Variants in TRIM5 observed in about 807,000 individuals in gnomAD.
TRIM5 encodes the protein tripartite motif containing 5, also known as tripartite motif-containing protein 5.
TRIM5 carries 31 observed loss-of-function variants against 35.6 expected under a neutral mutation model. The observed-to-expected ratio is 0.87, with a 90% CI of 0.65 to 1.18. TRIM5 has a LOEUF of 1.18. Among genes scored for constraint, TRIM5 ranks in the 50% most tolerant of loss-of-function variants. The pLI is 0.00. For synonymous variants in TRIM5, 243 were observed against 215.6 expected, an observed-to-expected ratio of 1.13 and a Z score of -1.11; for missense variants, 609 against 591.6, an observed-to-expected ratio of 1.03 and a Z score of -0.31.
At chr11:5,656,257 TGACA>T in the TRIM5 span, among the ~76,000 whole-genome samples, 1 of 151,772 alleles carries the variant, frequency 6.6e-6, no homozygotes, top group African/African-American at 2.4e-5. Flanking sequence ...TCTATCTACC[TGACA>T]AAGGGCTAAA....
chr11:5,665,714 C>T (rs1851080371), intron 6 of TRIM5, 32 bp from the exon 7 acceptor site: 1 of 1,485,250 alleles, frequency 6.7e-7, no homozygotes, highest in East Asian at 2.4e-5. Flanking sequence ...ATATTGAATA[C>T]AAACAAAGGA....
chr11:5,620,167 C>CTTTTTTTTTTTTTTTTTT, the TRIM5 span: 47 of 72,784 alleles, frequency 6.5e-4, 3 homozygotes, highest in African/African-American at 1.3e-3. Context: ...TTTCTTTCTT[C>CTTTTTTTTTTTTTTTTTT]TTTTTTTTTT....
the TRIM5 span, chr11:5,611,243 C>T: frequency 2.5e-6 from 4 of 1,614,064 alleles, no homozygotes; most frequent in Non-Finnish European, 3.4e-6. Context: ...GCTTCCCCAT[C>T]TACACTTTCT....
At chr11:5,682,329 G>A (rs928018342) in intron 1 of TRIM5, among the ~76,000 whole-genome samples, 1 of 152,010 alleles carries the variant, frequency 6.6e-6, no homozygotes, top group Non-Finnish European at 1.5e-5. Flanking sequence ...CCTGCTCTTC[G>A]TATCTCACCT....
the TRIM5 span, among the ~76,000 whole-genome samples, chr11:5,650,274 T>C: frequency 6.6e-5 from 10 of 152,234 alleles, no homozygotes; most frequent in African/African-American, 2.4e-4. Context: ...ATTCAAACCA[T>C]TGGCCATTGC....
At chr11:5,659,678 T>C (rs546737343), downstream of TRIM5, among the ~76,000 whole-genome samples, 2 of 151,980 alleles carry the variant, frequency 1.3e-5, no homozygotes, top group Non-Finnish European at 2.9e-5. Context: ...CCATAGAACA[T>C]ACTGAAACAT....
At chr11:5,640,677 T>A in the TRIM5 span, among the ~76,000 whole-genome samples, 1 of 152,190 alleles carries the variant, frequency 6.6e-6, no homozygotes, top group Non-Finnish European at 1.5e-5. Context: ...AATTAGGAAG[T>A]GTTCCCTGCT....
rs1852161104 is a variant in TRIM5 at position 5,678,390 on chromosome 11, C to T, written c.558G>A (p.Glu186=). The T allele has an allele frequency of 3.8e-6, 6 of 1,597,592 alleles. No individual in the cohort carries two copies. In the East Asian group the frequency reaches 1.3e-4, roughly 36 times the overall value. The change falls in exon 4 of 8, where the codon GAG becomes GAA. Residue 186 remains glutamate (E), a synonymous_variant. Transcript: ENST00000380034. ...CCCAGTCCAGGATGTCTCTCAGTTG[C>T]TCAAAATCTGCCAAGACGTTGGTTT... ...YDKTNVLADF[E]QLRDILDWEE...
the TRIM5 span, among the ~76,000 whole-genome samples, chr11:5,602,276 TA>T: frequency 0.39 from 59,229 of 151,556 alleles, 13,414 homozygotes; most frequent in Non-Finnish European, 0.51. Context: ...TCATCTCTAC[TA>T]AAAAATACAA....
downstream of TRIM5, among the ~76,000 whole-genome samples, chr11:5,662,164 T>C (rs947988167): frequency 6.6e-6 from 1 of 152,230 alleles, no homozygotes; most frequent in Non-Finnish European, 1.5e-5. Flanking sequence ...ATATTCACCT[T>C]GGAATCCCTT....
chr11:5,631,713 A>G, the TRIM5 span, among the ~76,000 whole-genome samples: 14 of 152,280 alleles, frequency 9.2e-5, no homozygotes, highest in South Asian at 2.5e-3. Flanking sequence ...GAAGGAAGAT[A>G]ATGAAACAAT....
At chr11:5,643,945 G>A in the TRIM5 span, 2 of 538,256 alleles carry the variant, frequency 3.7e-6, no homozygotes, top group East Asian at 3.1e-5. Flanking sequence ...AGCAGTATGG[G>A]TATAACATCC....
chr11:5,611,276 T>A, the TRIM5 span: 73 of 1,613,996 alleles, frequency 4.5e-5, 1 homozygote, highest in Non-Finnish European at 5.4e-5. Context: ...TTCCCACTAC[T>A]CTTTGTCCAT....
downstream of TRIM5, among the ~76,000 whole-genome samples, chr11:5,658,404 C>T (rs148289051): frequency 6.3e-4 from 96 of 152,296 alleles, no homozygotes; most frequent in African/African-American, 2.1e-3. Flanking sequence ...ACCTTGCACT[C>T]GTTCTCCAAG....
the TRIM5 span, among the ~76,000 whole-genome samples, chr11:5,623,779 G>T: frequency 6.6e-6 from 1 of 152,124 alleles, no homozygotes; most frequent in African/African-American, 2.4e-5. Context: ...CAAGGTATTG[G>T]ATGTGGATAC....
the TRIM5 span, among the ~76,000 whole-genome samples, chr11:5,617,342 G>A: frequency 1.4e-5 from 2 of 144,370 alleles, no homozygotes; most frequent in African/African-American, 5.1e-5. Context: ...TCACATTTTT[G>A]AACTGAAAGT....
chr11:5,650,380 G>A, the TRIM5 span, among the ~76,000 whole-genome samples: 1 of 152,186 alleles, frequency 6.6e-6, no homozygotes, highest in Non-Finnish European at 1.5e-5. Flanking sequence ...CCTATTGGGA[G>A]GGCTTTCCTT....
downstream of TRIM5, among the ~76,000 whole-genome samples, chr11:5,660,982 C>T (rs551311790): frequency 4.4e-4 from 55 of 124,890 alleles, 1 homozygote; most frequent in African/African-American, 1.5e-3. Flanking sequence ...GTGGAGGTTG[C>T]AGTGAGCCGA....
chr11:5,643,800 G>C, the TRIM5 span: 11 of 1,486,490 alleles, frequency 7.4e-6, no homozygotes, highest in Admixed American at 2.3e-5. Context: ...CTTCCTTGTG[G>C]TTTCCCTTCT....
Sources: allele counts gnomAD v4.1 joint callset (sites outside exome capture counted in the v4.1 genomes callset), GRCh38; gene constraint gnomAD v4.1.1; transcripts MANE v1.5; gene names NCBI Gene and HGNC (gene_info 2026-07-23, HGNC 2026-07-21).